Variants in DCC observed in about 807,000 individuals in gnomAD.
The protein encoded by DCC is DCC netrin 1 receptor, also known as netrin receptor DCC.
DCC carries 58 observed loss-of-function variants against 172.5 expected under a neutral mutation model. That is an observed-to-expected ratio of 0.34 (90% CI 0.27 to 0.42). DCC has a LOEUF of 0.42. Among genes scored for constraint, DCC ranks in the 10% least tolerant of loss-of-function variants. The probability of loss-of-function intolerance (pLI) is 1.00; values close to 1 mark genes in which losing one functional copy is unlikely to be tolerated. For synonymous variants in DCC, 709 were observed against 644.5 expected, an observed-to-expected ratio of 1.10 and a Z score of -1.52; for missense variants, 1,740 against 1,791.0, an observed-to-expected ratio of 0.97 and a Z score of 0.51.
chr18:52,964,746 A>G (rs1018853408), intron 5 of DCC, among the ~76,000 whole-genome samples: 43 of 152,254 alleles, frequency 2.8e-4, no homozygotes, highest in African/African-American at 9.9e-4. Flanking sequence ...AGTGGCTGAA[A>G]ACAATGTAAA....
At chr18:53,249,028 G>C (rs2056398083) in intron 12 of DCC, among the ~76,000 whole-genome samples, 1 of 151,956 alleles carries the variant, frequency 6.6e-6, no homozygotes, top group Non-Finnish European at 1.5e-5. Flanking sequence ...GCACCTTCTA[G>C]AGTTAGTCTG....
chr18:53,401,077 T>C (rs1317434941), intron 18 of DCC, among the ~76,000 whole-genome samples: 5 of 152,234 alleles, frequency 3.3e-5, no homozygotes, highest in Non-Finnish European at 7.3e-5. Context: ...ATGACCTCTC[T>C]GTGAGAATAA....
chr18:53,015,476 A>G lies in DCC; in HGVS notation c.986-47829A>G, dbSNP rs2041795180. 1.3e-5 allele frequency among the ~76,000 whole-genome samples: 2 copies of G among 152,158 alleles called. 1 individual carries two copies. The highest frequency in any genetic ancestry group is 4.1e-4 in the South Asian group (2 of 4,826). On this transcript the variant is annotated intron_variant, in intron 5 of 28. Coordinates refer to ENST00000442544, the MANE Select transcript of DCC (RefSeq NM_005215.4). Reference sequence around the variant, plus strand: ...GACTAACCTTCAGTTGGTTGTGTTTAGTTGCTAGTGGCTTTAGATGCCCCT... The same window carrying G: ...GACTAACCTTCAGTTGGTTGTGTTTGGTTGCTAGTGGCTTTAGATGCCCCT...
intron 5 of DCC, among the ~76,000 whole-genome samples, chr18:53,033,010 T>C (rs1210954024): frequency 1.3e-5 from 2 of 152,168 alleles, no homozygotes; most frequent in Non-Finnish European, 2.9e-5. Flanking sequence ...TGCTTTAGTA[T>C]GCTTTACATT....
At chr18:53,152,107 G>A (rs1359037963) in intron 7 of DCC, among the ~76,000 whole-genome samples, 2 of 152,118 alleles carry the variant, frequency 1.3e-5, no homozygotes, top group Non-Finnish European at 2.9e-5. Flanking sequence ...AAATGGTGAA[G>A]ATGCAGACTA....
intron 1 of DCC, among the ~76,000 whole-genome samples, chr18:52,574,148 A>G (rs1310769041): frequency 6.6e-6 from 1 of 152,186 alleles, no homozygotes; most frequent in Non-Finnish European, 1.5e-5. Context: ...TTTTTAAATC[A>G]CTTTGTTAAA....
chr18:53,289,118 T>C (rs1338731308), intron 12 of DCC, among the ~76,000 whole-genome samples: 1 of 151,806 alleles, frequency 6.6e-6, no homozygotes, highest in African/African-American at 2.4e-5. Flanking sequence ...TTAGTTCACA[T>C]ATTTATAACA....
intron 7 of DCC, among the ~76,000 whole-genome samples, chr18:53,079,168 C>T (rs2042764249): frequency 6.6e-6 from 1 of 152,074 alleles, no homozygotes; most frequent in South Asian, 2.1e-4. Flanking sequence ...CCTCCCTTGC[C>T]TTGTCTTCTT....
chr18:53,057,450 G>C (rs944944770), intron 5 of DCC, among the ~76,000 whole-genome samples: 4 of 151,938 alleles, frequency 2.6e-5, no homozygotes, highest in Non-Finnish European at 5.9e-5. Context: ...TCACTTATTA[G>C]TTTTGGTTGG....
At chr18:53,517,055 C>G (rs2046342231) in intron 27 of DCC, among the ~76,000 whole-genome samples, 1 of 143,518 alleles carries the variant, frequency 7.0e-6, no homozygotes, top group Non-Finnish European at 1.5e-5. Context: ...ACCCAAATGT[C>G]CAACAATGAT....
intron 26 of DCC, among the ~76,000 whole-genome samples, chr18:53,489,760 T>C (rs2045940479): frequency 6.6e-6 from 1 of 152,228 alleles, no homozygotes; most frequent in African/African-American, 2.4e-5. Context: ...ATATGGTACA[T>C]ACATTTGCAT....
At chr18:52,918,038 C>G (rs980071498) in intron 3 of DCC, among the ~76,000 whole-genome samples, 2 of 152,024 alleles carry the variant, frequency 1.3e-5, no homozygotes, top group African/African-American at 4.8e-5. Flanking sequence ...TTCTAGGACC[C>G]ACGCTTATAT....
At chr18:52,488,649 C>T (rs1005525426) in intron 1 of DCC, among the ~76,000 whole-genome samples, 3 of 152,090 alleles carry the variant, frequency 2.0e-5, no homozygotes, top group Non-Finnish European at 4.4e-5. Context: ...CAAGCTTATT[C>T]TAAAATGCTG....
intron 1 of DCC, among the ~76,000 whole-genome samples, chr18:52,380,473 C>A (rs961484165): frequency 5.3e-5 from 8 of 152,050 alleles, no homozygotes; most frequent in African/African-American, 1.9e-4. Flanking sequence ...CCAGATGGAA[C>A]CCCCTCACAA....
chr18:52,545,294 C>A (rs2032579207), intron 1 of DCC, among the ~76,000 whole-genome samples: 1 of 152,170 alleles, frequency 6.6e-6, no homozygotes. Context: ...TGGAGGGATG[C>A]CTTCTTGTAT....
At chr18:52,467,005 C>G (rs897326403) in intron 1 of DCC, among the ~76,000 whole-genome samples, 3 of 151,640 alleles carry the variant, frequency 2.0e-5, no homozygotes, top group Non-Finnish European at 4.4e-5. Context: ...TTCCAAATCA[C>G]TCTTTGTGTG....
intron 21 of DCC, among the ~76,000 whole-genome samples, chr18:53,421,238 TA>T (rs1568120646): frequency 6.6e-6 from 1 of 152,168 alleles, no homozygotes. Context: ...TCGATATTCT[TA>T]GCATGAGCAG....
At chr18:52,667,158 T>C (rs896110781) in intron 1 of DCC, among the ~76,000 whole-genome samples, 1 of 152,158 alleles carries the variant, frequency 6.6e-6, no homozygotes, top group Non-Finnish European at 1.5e-5. Context: ...AGCAGGCTTG[T>C]GTGCAGGAAG....
At chr18:53,490,551 TAAC>T (rs1390900364) in intron 26 of DCC, among the ~76,000 whole-genome samples, 2 of 152,228 alleles carry the variant, frequency 1.3e-5, no homozygotes, top group Admixed American at 1.3e-4. Flanking sequence ...TTTCATCATG[TAAC>T]AACAAGTGCC....
Sources: gnomAD v4.1 joint callset for allele counts (sites outside exome capture counted in the v4.1 genomes callset) on GRCh38, gnomAD v4.1.1 for gene constraint, MANE v1.5 for transcripts, NCBI Gene and HGNC (gene_info 2026-07-23, HGNC 2026-07-21) for gene names.